The following CDYL2 variants were observed in gnomAD, a reference collection of about 807,000 sequenced individuals.
CDYL2 encodes chromodomain Y-like protein 2.
A neutral mutation model predicts 49.4 loss-of-function variants in CDYL2; 23 were observed. The ratio of observed to expected loss-of-function variants is 0.47; its 90% CI spans 0.34 to 0.66. The LOEUF is 0.66. Among genes scored for constraint, CDYL2 ranks in the 30% least tolerant of loss-of-function variants. The pLI is 0.01. For synonymous variants in CDYL2, 360 were observed against 268.8 expected, an observed-to-expected ratio of 1.34 and a Z score of -3.32; for missense variants, 678 against 656.4, an observed-to-expected ratio of 1.03 and a Z score of -0.36.
intron 1 of CDYL2, among the ~76,000 whole-genome samples, chr16:80,794,628 T>G (rs867468369): frequency 2.7e-4 from 37 of 134,776 alleles, no homozygotes; most frequent in South Asian, 1.7e-3. Flanking sequence ...TTTTTTTTTT[T>G]GGGACAGAGT....
At chr16:80,700,904 C>T (rs143426059) in intron 1 of CDYL2, among the ~76,000 whole-genome samples, 137 of 152,336 alleles carry the variant, frequency 9.0e-4, no homozygotes, top group African/African-American at 3.2e-3. Flanking sequence ...CCTGCCACAG[C>T]AACAGAGCAG....
At chr16:80,761,064 A>G (rs527239512) in intron 1 of CDYL2, among the ~76,000 whole-genome samples, 1 of 152,230 alleles carries the variant, frequency 6.6e-6, no homozygotes, top group African/African-American at 2.4e-5. Flanking sequence ...AAAGCCATAC[A>G]CTCAGTCCCA....
chr16:80,633,346 C>G, intron 2 of CDYL2, 110 bp from the exon 3 acceptor site: 1 of 1,063,888 alleles, frequency 9.4e-7, no homozygotes, highest in Non-Finnish European at 1.4e-6. Flanking sequence ...TGTGCTGGGA[C>G]ACACCACCTT....
intron 1 of CDYL2, among the ~76,000 whole-genome samples, chr16:80,786,768 T>C (rs978121629): frequency 1.3e-5 from 2 of 152,150 alleles, no homozygotes; most frequent in South Asian, 2.1e-4. Context: ...ATGTCCCTTG[T>C]AGGGACACGG....
In CDYL2 at chr16:80,790,908, G is replaced by A. The variant is rs535418956; in HGVS notation, c.24+13242C>T. On this transcript the variant is annotated intron_variant, in intron 1 of 6. Coordinates refer to ENST00000570137, the MANE Select transcript of CDYL2 (RefSeq NM_152342.4). ...GAGACTCTCCAGAACAGTCCGGGAA[G>A]ATACAGTCTCTGTCTCATGTCCAAC... 1.8e-4 allele frequency among the ~76,000 whole-genome samples: 27 copies of A among 152,360 alleles called. No individual in the cohort carries two copies. In the East Asian group the frequency reaches 5.0e-3, roughly 28 times the overall value.
intron 2 of CDYL2, chr16:80,639,565 G>T (rs542708546): frequency 1.7e-5 from 7 of 400,956 alleles, no homozygotes; most frequent in South Asian, 1.1e-4. Flanking sequence ...ACAATAGAAG[G>T]CTCCATGGAT....
intron 2 of CDYL2, among the ~76,000 whole-genome samples, chr16:80,658,298 G>C (rs188689384): frequency 6.6e-6 from 1 of 151,948 alleles, no homozygotes; most frequent in African/African-American, 2.4e-5. Context: ...AAAGATGGGG[G>C]GTGGAAATAA....
At chr16:80,781,983 T>C (rs1907284443) in intron 1 of CDYL2, among the ~76,000 whole-genome samples, 1 of 151,766 alleles carries the variant, frequency 6.6e-6, no homozygotes, top group African/African-American at 2.4e-5. Context: ...CTGCATATCT[T>C]GAGTAAATTT....
intron 2 of CDYL2, among the ~76,000 whole-genome samples, chr16:80,676,689 T>C (rs1909756456): frequency 6.6e-6 from 1 of 152,232 alleles, no homozygotes; most frequent in Non-Finnish European, 1.5e-5. Context: ...CACTACTGCA[T>C]TCTGAAGTGA....
chr16:80,798,984 G>A (rs1458705747), intron 1 of CDYL2, among the ~76,000 whole-genome samples: 2 of 151,880 alleles, frequency 1.3e-5, no homozygotes, highest in Non-Finnish European at 2.9e-5. Context: ...TAATATTTTA[G>A]CATTTGAGAA....
chr16:80,716,413 G>A (rs1039179413), intron 1 of CDYL2, among the ~76,000 whole-genome samples: 14 of 152,162 alleles, frequency 9.2e-5, no homozygotes, highest in Admixed American at 9.2e-4. Flanking sequence ...TGGGTGGATG[G>A]ATAGATGGGT....
chr16:80,738,026 GC>G (rs1427338121), intron 1 of CDYL2, among the ~76,000 whole-genome samples: 1 of 135,422 alleles, frequency 7.4e-6, no homozygotes, highest in African/African-American at 2.8e-5. Flanking sequence ...CTAGCCCCCA[GC>G]CCCCCGACAG....
intron 1 of CDYL2, among the ~76,000 whole-genome samples, chr16:80,691,936 C>T (rs1910432351): frequency 6.6e-6 from 1 of 152,096 alleles, no homozygotes; most frequent in African/African-American, 2.4e-5. Context: ...AAGGACAGAA[C>T]CAACATGCGG....
chr16:80,697,640 T>C (rs950114860), intron 1 of CDYL2, among the ~76,000 whole-genome samples: 17 of 152,140 alleles, frequency 1.1e-4, no homozygotes, highest in Admixed American at 3.3e-4. Context: ...TTATCCTTGT[T>C]TGCACACAAC....
intron 1 of CDYL2, among the ~76,000 whole-genome samples, chr16:80,745,111 C>T (rs1172432896): frequency 3.3e-5 from 5 of 152,184 alleles, no homozygotes; most frequent in South Asian, 4.1e-4. Context: ...CACTCCCCCA[C>T]GCTGGGGGCA....
At chr16:80,775,270 C>T (rs914461250) in intron 1 of CDYL2, among the ~76,000 whole-genome samples, 1 of 151,530 alleles carries the variant, frequency 6.6e-6, no homozygotes, top group Non-Finnish European at 1.5e-5. Context: ...AATAATTGTT[C>T]ATTATTTAAC....
intron 1 of CDYL2, among the ~76,000 whole-genome samples, chr16:80,699,022 C>T (rs1904287961): frequency 6.6e-6 from 1 of 151,838 alleles, no homozygotes; most frequent in South Asian, 2.1e-4. Context: ...CAAATGCTGG[C>T]AAGGATGTGG....
chr16:80,711,037 T>C (rs1202431396), intron 1 of CDYL2, among the ~76,000 whole-genome samples: 1 of 152,176 alleles, frequency 6.6e-6, no homozygotes, highest in Non-Finnish European at 1.5e-5. Flanking sequence ...TTGCTGTAAA[T>C]ATGGAAACAA....
chr16:80,804,077 T>A (rs1211609840), intron 1 of CDYL2, 73 bp downstream of exon 1: 2 of 931,794 alleles, frequency 2.1e-6, no homozygotes, highest in Non-Finnish European at 2.5e-6. Context: ...CCCGGCCCGG[T>A]CCCCGCCGCC....
Sources: allele counts gnomAD v4.1 joint callset (sites outside exome capture counted in the v4.1 genomes callset), GRCh38; gene constraint gnomAD v4.1.1; transcripts MANE v1.5; gene names NCBI Gene and HGNC (gene_info 2026-07-23, HGNC 2026-07-21).